The following KIF21B variants were observed in gnomAD, a reference collection of about 807,000 sequenced individuals.
KIF21B encodes kinesin family member 21B, also known as kinesin-like protein KIF21B.
Under a neutral mutation model 192.9 loss-of-function variants are expected in KIF21B, and 85 were observed. The ratio of observed to expected loss-of-function variants is 0.44; its 90% CI spans 0.37 to 0.53. The LOEUF is 0.53. Among genes scored for constraint, KIF21B ranks in the 20% least tolerant of loss-of-function variants. KIF21B has a pLI of 0.00. For missense variants in KIF21B, 1,716 were observed against 2,194.8 expected (o/e 0.78, Z 4.36); for synonymous variants, 832 against 884.6 (o/e 0.94, Z 1.05).
In KIF21B at chr1:201,003,799, C is replaced by T. The variant is rs1657644269; in HGVS notation, c.1017-18G>A. On this transcript the variant is annotated intron_variant, in intron 7 of 34. Transcript: ENST00000461742. ...TGGTCTGGCTGGGGGTGCAGAAAGG[C>T]TGTTGTGAGGGTGAGGGACACAGCC... is the stretch of plus-strand genomic sequence containing the variant. 5.0e-6 allele frequency: 8 copies of T among 1,613,984 alleles called. No homozygotes were observed. Among genetic ancestry groups the T allele is most frequent in the Non-Finnish European group, 6.8e-6 (8 of 1,179,876 alleles).
At chr1:200,973,644 CA>C in intron 34 of KIF21B, 66 bp from the exon 35 acceptor site, 1 of 1,517,728 alleles carries the variant, frequency 6.6e-7, no homozygotes. Context: ...TGGCTGCCCC[CA>C]AAAGTAGAGG....
At chr1:200,974,342 G>A (rs1655401880) in intron 34 of KIF21B, 1 of 952,830 alleles carries the variant, frequency 1.0e-6, no homozygotes, top group Non-Finnish European at 1.5e-6. Context: ...CCACACAGGG[G>A]GCCAGAGCGG....
At chr1:201,021,266 T>C (rs757385538) in intron 1 of KIF21B, among the ~76,000 whole-genome samples, 13 of 152,204 alleles carry the variant, frequency 8.5e-5, no homozygotes, top group Non-Finnish European at 8.8e-5. Flanking sequence ...TGTCCAGGCA[T>C]TGTCTGCTGT....
intron 26 of KIF21B, among the ~76,000 whole-genome samples, chr1:200,986,061 G>T (rs561631966): frequency 4.0e-5 from 6 of 151,658 alleles, no homozygotes; most frequent in East Asian, 1.9e-4. Context: ...TGCCCAGGCT[G>T]GTCTTGAACT....
chr1:200,986,318 T>C (rs1345654578), intron 26 of KIF21B, among the ~76,000 whole-genome samples: 1 of 152,020 alleles, frequency 6.6e-6, no homozygotes, highest in Non-Finnish European at 1.5e-5. Context: ...GGCTCGGCTA[T>C]GCAGTTTAAG....
Position 200,999,784 on chromosome 1 carries a change from C to T in KIF21B, c.1767+99G>A. 1.1e-5 allele frequency: 13 copies of T among 1,194,842 alleles called. No individual in the cohort carries two copies. The highest frequency in any genetic ancestry group is 1.5e-5 in the Non-Finnish European group (12 of 809,256). The allele number at this position is 1,194,842 out of a possible 1,614,324, so 74.0% of individuals were successfully genotyped here. On this transcript the variant is annotated intron_variant, in intron 12 of 34. Transcript: ENST00000461742. The surrounding 1 kb of genome is among the most constrained non-coding windows in gnomAD (Gnocchi z 4.7). The stretch of plus-strand genomic sequence containing the variant: ...ATCAACTGGATGCAGACCCAACCGC[C>T]TCCTTCACTCCATACAAGGATGCGG...
At chr1:200,976,671 C>A (rs1005811476) in intron 32 of KIF21B, 105 bp downstream of exon 32, 4 of 653,576 alleles carry the variant, frequency 6.1e-6, no homozygotes, top group African/African-American at 3.6e-5. Flanking sequence ...CAGCAGACAT[C>A]CCCAGAAGTC....
chr1:200,999,398 C>G lies in KIF21B; in HGVS notation c.1836G>C (p.Ser612=). 2 of 1,614,122 alleles carry G rather than the reference C, an allele frequency of 1.2e-6. No homozygotes were observed. Among genetic ancestry groups the G allele is most frequent in the Non-Finnish European group, 1.7e-6 (2 of 1,180,004 alleles). ...EEGREDEDED[S]GSEESLVDSD... ...AGTCCACCAGGCTCTCTTCACTGCC[C>G]GAGTCCTCATCTTCATCCTCGCGCC... Residue 612 remains serine, a synonymous_variant, in exon 13 of 35, where the codon TCG becomes TCC. Coordinates refer to ENST00000461742, the MANE Select transcript of KIF21B (RefSeq NM_001252102.2). This position sits in a 1 kb window ranked among gnomAD's most constrained non-coding sequence, Gnocchi z 4.7.
In KIF21B at chr1:201,008,833, T is replaced by C. The variant is rs767222970; in HGVS notation, c.383A>G (p.Lys128Arg). ...AHLFGGIAER[K>R]RRAQEQGVAG... ...CACGCCCTGCTCCTGTGCCCGGCGC[T>C]TGCGCTCGGCAATGCCCCCAAAGAG... The change falls in exon 3 of 35, where the codon AAG becomes AGG. Residue 128 changes from lysine (K) to arginine (R), a missense_variant. By Grantham distance (26) the Lys-to-Arg change is conservative. Around this residue, in one of 3 missense-constraint regions of KIF21B, gnomAD observed 1,087 missense variants for 1,316.6 expected, o/e 0.83. Coordinates refer to ENST00000461742, the MANE Select transcript of KIF21B (RefSeq NM_001252102.2). The C allele has an allele frequency of 2.5e-6, 4 of 1,608,556 alleles. No homozygotes were observed. Among genetic ancestry groups the C allele is most frequent in the Non-Finnish European group, 2.5e-6 (3 of 1,179,964 alleles).
At chr1:200,974,338 AG>A in intron 34 of KIF21B, 2 of 876,622 alleles carry the variant, frequency 2.3e-6, no homozygotes, top group Non-Finnish European at 1.7e-6. Context: ...CTCCCCACAC[AG>A]GGGGCCAGAG....
chr1:200,984,846 C>T lies in KIF21B; in HGVS notation c.3803+13G>A, dbSNP rs745456654. On this transcript the variant is annotated intron_variant, in intron 27 of 34. Transcript: ENST00000461742. ...TCAGTGCCCTCCCCCACTTGCCCTC[C>T]AGCCCTGCTTACTTGTCCAGCGCTG... The T allele has an allele frequency of 3.4e-5, 53 of 1,538,550 alleles. No individual in the cohort carries two copies. Among genetic ancestry groups the T allele is most frequent in the Non-Finnish European group, 2.4e-5 (27 of 1,141,944 alleles).
rs1658551808 is a variant in KIF21B at position 201,017,115 on chromosome 1, C to G, written c.41+6228G>C. Among the ~76,000 whole-genome samples the G allele has an allele frequency of 6.6e-6, 1 of 152,084 alleles. No homozygotes were observed. The highest frequency in any genetic ancestry group is 1.5e-5 in the Non-Finnish European group (1 of 67,992). On this transcript the variant is annotated intron_variant, in intron 1 of 34. Coordinates refer to ENST00000461742, the MANE Select transcript of KIF21B (RefSeq NM_001252102.2). The surrounding 1 kb of genome is among the most constrained non-coding windows in gnomAD (Gnocchi z 4.1). ...TAACGCTAAGGGTCAGGCAGGCTAA[C>G]AGGGGAGGGGGTGCCTGCCATGAGG...
intron 3 of KIF21B, among the ~76,000 whole-genome samples, chr1:201,007,970 C>G (rs11583140): frequency 0.56 from 84,952 of 152,126 alleles, 26,072 homozygotes; most frequent in African/African-American, 0.83. Flanking sequence ...GGATACCCTG[C>G]AGGGCAAGCC....
intron 7 of KIF21B, 136 bp downstream of exon 7, chr1:201,004,204 T>C (rs1255626416): frequency 1.3e-5 from 9 of 690,086 alleles, no homozygotes; most frequent in South Asian, 7.4e-5. Context: ...TCAAGGTTCC[T>C]ACCTCCTAAA....
At chr1:200,973,818 G>T in intron 34 of KIF21B, 2 of 1,430,804 alleles carry the variant, frequency 1.4e-6, no homozygotes, top group Non-Finnish European at 9.1e-7. Flanking sequence ...TTTTTTGGGG[G>T]GGTGTTTCGT....
Position 200,974,758 on chromosome 1 carries a change from G to T in KIF21B, c.4770C>A (p.Ile1590=). 6.2e-7 allele frequency: 1 copy of T among 1,614,242 alleles called. No individual in the cohort carries two copies. Among genetic ancestry groups the T allele is most frequent in the South Asian group, 1.1e-5 (1 of 91,086 alleles). The change falls in exon 34 of 35, where the codon ATC becomes ATA. Residue 1590 remains isoleucine, a synonymous_variant. Coordinates refer to ENST00000461742, the MANE Select transcript of KIF21B (RefSeq NM_001252102.2). ...GCTTGGCATTGGTGCAGATGGCATTGATGGGACTGTCGTGGCCCTTGATCT... is the reference window on the plus strand; with the variant it reads ...GCTTGGCATTGGTGCAGATGGCATTTATGGGACTGTCGTGGCCCTTGATCT... ...IGEIKGHDSP[I]NAICTNAKHI...
intron 30 of KIF21B, among the ~76,000 whole-genome samples, chr1:200,977,763 T>C (rs1312054303): frequency 6.6e-6 from 1 of 152,090 alleles, no homozygotes; most frequent in African/African-American, 2.4e-5. Flanking sequence ...GAATGGAGTT[T>C]CGCTCTTGTT....
chr1:200,999,177 G>A lies in KIF21B; in HGVS notation c.1885+172C>T, dbSNP rs1397113924. Among the ~76,000 whole-genome samples the A allele has an allele frequency of 6.6e-6, 1 of 152,124 alleles. No individual in the cohort carries two copies. The highest frequency in any genetic ancestry group is 1.5e-5 in the Non-Finnish European group (1 of 68,020). ...GCACAGTGCCTGGCACCTAATGAACGACCAGGAAGTGTTTGCCATCATTCT... is the reference window on the plus strand; with the variant it reads ...GCACAGTGCCTGGCACCTAATGAACAACCAGGAAGTGTTTGCCATCATTCT... On this transcript the variant is annotated intron_variant, in intron 13 of 34. Transcript: ENST00000461742. This position sits in a 1 kb window ranked among gnomAD's most constrained non-coding sequence, Gnocchi z 4.7.
intron 3 of KIF21B, among the ~76,000 whole-genome samples, chr1:201,006,686 G>A (rs796119894): frequency 7.2e-5 from 11 of 152,056 alleles, no homozygotes; most frequent in East Asian, 1.9e-4. Context: ...CTGCTCTTCC[G>A]GGCTTCTCCA....
Sources: allele counts gnomAD v4.1 joint callset (sites outside exome capture counted in the v4.1 genomes callset), GRCh38; gene constraint gnomAD v4.1.1; regional missense constraint gnomAD v4.1.1; non-coding constraint Gnocchi (gnomAD v3.1); transcripts MANE v1.5; gene names NCBI Gene and HGNC (gene_info 2026-07-23, HGNC 2026-07-21).